Variants in KIAA0825 observed in about 807,000 individuals in gnomAD.
KIAA0825 encodes KIAA0825, also known as uncharacterized protein KIAA0825.
A neutral mutation model predicts 147.6 loss-of-function variants in KIAA0825; 119 were observed. The ratio of observed to expected loss-of-function variants is 0.81; its 90% CI spans 0.69 to 0.94. The LOEUF is 0.94. KIAA0825 is among the 40% of genes least tolerant of loss of function. KIAA0825 has a pLI of 0.00. For synonymous variants in KIAA0825, 470 were observed against 518.1 expected, an observed-to-expected ratio of 0.91 and a Z score of 1.26; for missense variants, 1,381 against 1,472.7, an observed-to-expected ratio of 0.94 and a Z score of 1.02.
At chr5:94,443,336 T>TTATA (rs5869629) in intron 13 of KIAA0825, among the ~76,000 whole-genome samples, 23,511 of 145,340 alleles carry the variant, frequency 0.16, 2,175 homozygotes, top group East Asian at 0.49. Flanking sequence ...AAGGGAAATT[T>TTATA]TATATATATA....
At chr5:94,432,684 G>T (rs1755845519) in intron 14 of KIAA0825, among the ~76,000 whole-genome samples, 1 of 152,182 alleles carries the variant, frequency 6.6e-6, no homozygotes, top group South Asian at 2.1e-4. Context: ...CTAACAATGG[G>T]TTATTTTAGG....
At chr5:94,457,092 G>T (rs558440332) in intron 12 of KIAA0825, among the ~76,000 whole-genome samples, 278 of 152,302 alleles carry the variant, frequency 1.8e-3, no homozygotes, top group African/African-American at 6.5e-3. Context: ...GATGTTTATG[G>T]TCTCAAAGGG....
At chr5:94,278,647 G>A (rs949501277) in intron 20 of KIAA0825, among the ~76,000 whole-genome samples, 1 of 152,110 alleles carries the variant, frequency 6.6e-6, no homozygotes, top group Admixed American at 6.6e-5. Context: ...TGTGGGCACA[G>A]GAAATTAGGC....
intron 13 of KIAA0825, among the ~76,000 whole-genome samples, chr5:94,448,387 G>A (rs1562506887): frequency 6.6e-6 from 1 of 151,624 alleles, no homozygotes. Context: ...ACAAATTTAT[G>A]GTCCGTACTG....
At chr5:94,544,853 T>C (rs1327799337) in intron 2 of KIAA0825, among the ~76,000 whole-genome samples, 2 of 151,754 alleles carry the variant, frequency 1.3e-5, no homozygotes, top group East Asian at 3.9e-4. Context: ...AAACCAAATT[T>C]TAACAACTAA....
chr5:94,611,162 T>C (rs1788695043), intron 1 of KIAA0825, among the ~76,000 whole-genome samples: 1 of 152,006 alleles, frequency 6.6e-6, no homozygotes, highest in African/African-American at 2.4e-5. Flanking sequence ...GCCCTACTAA[T>C]AGCACAAAAA....
At chr5:94,601,140 G>T (rs1311442978) in intron 1 of KIAA0825, among the ~76,000 whole-genome samples, 1 of 152,148 alleles carries the variant, frequency 6.6e-6, no homozygotes, top group Non-Finnish European at 1.5e-5. Context: ...CCCAACTGGG[G>T]TCTCCAATTA....
Position 94,152,821 on chromosome 5 carries a change from GAAAAAAAAAAAAAAA to G in KIAA0825, c.*1171_*1185del, listed in dbSNP as rs1179311015. 0.052 allele frequency: 104 copies of G among 1,998 alleles called. No homozygotes were observed. Among genetic ancestry groups the G allele is most frequent in the Non-Finnish European group, 0.069 (82 of 1,188 alleles). The allele number at this position is 1,998 out of a possible 1,614,324, so 0.1% of individuals were successfully genotyped here. A position where few individuals can be genotyped will look rare whatever the true frequency, so the allele number is the denominator to read the frequency against. ...CAGAGCAAGACCCTGTTTCTAAAAT[GAAAAAAAAAAAAAAA>G]AAAAAAAAAAAAAAAAAAATTATAT... is the stretch of plus-strand genomic sequence containing the variant. On this transcript the variant is annotated 3_prime_UTR_variant, in exon 21 of 21. Coordinates refer to ENST00000682413, the MANE Select transcript of KIAA0825 (RefSeq NM_001145678.3).
At chr5:94,591,855 T>C (rs79401993) in intron 1 of KIAA0825, among the ~76,000 whole-genome samples, 1 of 152,094 alleles carries the variant, frequency 6.6e-6, no homozygotes, top group African/African-American at 2.4e-5. Flanking sequence ...TACATGATGG[T>C]AGGCAAGAGA....
chr5:94,342,972 C>T (rs1353478668), intron 20 of KIAA0825, among the ~76,000 whole-genome samples: 1 of 151,936 alleles, frequency 6.6e-6, no homozygotes, highest in Non-Finnish European at 1.5e-5. Flanking sequence ...AAAACAAAAG[C>T]TTATAAATAT....
At chr5:94,487,813 G>T (rs1763232064) in intron 5 of KIAA0825, among the ~76,000 whole-genome samples, 1 of 152,102 alleles carries the variant, frequency 6.6e-6, no homozygotes, top group South Asian at 2.1e-4. Flanking sequence ...AATTAGCTGG[G>T]CGTAGTGGCG....
rs561212150 is a variant in KIAA0825 at position 94,291,354 on chromosome 5, A to G, written c.3710+93014T>C. Among the ~76,000 whole-genome samples the G allele has an allele frequency of 4.6e-5, 7 of 152,286 alleles. No individual in the cohort carries two copies. In the South Asian group the frequency reaches 1.0e-3, roughly 23 times the overall value. On this transcript the variant is annotated intron_variant, in intron 20 of 20. Transcript: ENST00000682413. ...ATGGCTAGCCAGTTTTCACAGCACT[A>G]TTTATTAAATAGGGAATCCTTCCCC... is the stretch of plus-strand genomic sequence containing the variant.
In KIAA0825 at chr5:94,533,277, CT is replaced by C. The variant is rs780139022; in HGVS notation, c.131+3718del. On this transcript the variant is annotated intron_variant, in intron 3 of 20. Coordinates refer to ENST00000682413, the MANE Select transcript of KIAA0825 (RefSeq NM_001145678.3). Reference sequence around the variant, plus strand: ...ACAGGCATGAGCCACTGTGCCCGGCCTTTTTTTTTTTTTTTTTGAGACTGAA... The same window carrying C: ...ACAGGCATGAGCCACTGTGCCCGGCCTTTTTTTTTTTTTTTTGAGACTGAA... 7.8e-3 allele frequency among the ~76,000 whole-genome samples: 968 copies of C among 124,378 alleles called. 2 individuals carry two copies. The highest frequency in any genetic ancestry group is 9.4e-3 in the Non-Finnish European group (554 of 58,850). The allele number at this position is 124,378 out of a possible 152,430, so 81.6% of individuals were successfully genotyped here.
intron 13 of KIAA0825, among the ~76,000 whole-genome samples, chr5:94,444,768 A>G (rs1757525711): frequency 6.6e-6 from 1 of 152,122 alleles, no homozygotes; most frequent in African/African-American, 2.4e-5. Context: ...ATGACCCTGA[A>G]GAATCAATGA....
rs373665992 is a variant in KIAA0825 at position 94,435,235 on chromosome 5, G to T, written c.2497+4747C>A. Among the ~76,000 whole-genome samples the T allele has an allele frequency of 6.2e-4, 94 of 151,730 alleles. 3 individuals carry two copies. The South Asian group carries it at 0.019, about 31-fold the overall frequency. On this transcript the variant is annotated intron_variant, in intron 14 of 20. Transcript: ENST00000682413. Reference sequence around the variant, plus strand: ...TTGTACAGATTACTTCATCACCCAGGTATTAAGCCTAGTATCCATTAGCTA... The same window carrying T: ...TTGTACAGATTACTTCATCACCCAGTTATTAAGCCTAGTATCCATTAGCTA...
intron 20 of KIAA0825, among the ~76,000 whole-genome samples, chr5:94,310,252 T>G (rs946436082): frequency 1.3e-5 from 2 of 151,650 alleles, no homozygotes; most frequent in African/African-American, 2.4e-5. Flanking sequence ...CTTCACATTT[T>G]GCTCATTACA....
intron 20 of KIAA0825, among the ~76,000 whole-genome samples, chr5:94,157,535 T>A (rs1767149067): frequency 6.6e-6 from 1 of 152,224 alleles, no homozygotes; most frequent in African/African-American, 2.4e-5. Context: ...ATTGACTTGG[T>A]TGTTCTTAGC....
chr5:94,233,282 C>T (rs1318891886), intron 20 of KIAA0825, among the ~76,000 whole-genome samples: 2 of 152,116 alleles, frequency 1.3e-5, no homozygotes, highest in African/African-American at 4.8e-5. Flanking sequence ...TGACATGATT[C>T]CTAAAGAGAA....
intron 2 of KIAA0825, among the ~76,000 whole-genome samples, chr5:94,571,342 C>A (rs1183848060): frequency 6.6e-6 from 1 of 152,064 alleles, no homozygotes; most frequent in Non-Finnish European, 1.5e-5. Context: ...AAATTTGAAC[C>A]ATTATTATTG....
Sources: allele counts gnomAD v4.1 joint callset (sites outside exome capture counted in the v4.1 genomes callset), GRCh38; gene constraint gnomAD v4.1.1; transcripts MANE v1.5; gene names NCBI Gene and HGNC (gene_info 2026-07-23, HGNC 2026-07-21).